TENM3: variants seen among roughly 807,000 people sequenced by gnomAD.
TENM3 encodes teneurin-3.
Under a neutral mutation model 255.1 loss-of-function variants are expected in TENM3, and 63 were observed. That is an observed-to-expected ratio of 0.25 (90% CI 0.20 to 0.30). TENM3 has a LOEUF of 0.30. TENM3 is among the 10% of genes least tolerant of loss of function. The probability of loss-of-function intolerance (pLI) is 1.00; values close to 1 mark genes in which losing one functional copy is unlikely to be tolerated. For missense variants in TENM3, 2,929 were observed against 3,461.1 expected (o/e 0.85, Z 3.86); for synonymous variants, 1,306 against 1,322.3 (o/e 0.99, Z 0.27).
the TENM3 span, among the ~76,000 whole-genome samples, chr4:182,075,493 C>T: frequency 6.6e-6 from 1 of 152,154 alleles, no homozygotes; most frequent in South Asian, 2.1e-4. Context: ...CCACCACGCT[C>T]AGCCGACAGT....
chr4:182,598,766 G>T (rs1249702081), intron 3 of TENM3, among the ~76,000 whole-genome samples: 2 of 152,244 alleles, frequency 1.3e-5, no homozygotes, highest in Non-Finnish European at 2.9e-5. Context: ...GCATTTCACT[G>T]AATCCTTACA....
the TENM3 span, among the ~76,000 whole-genome samples, chr4:181,797,035 T>A: frequency 2.0e-5 from 3 of 152,028 alleles, no homozygotes; most frequent in African/African-American, 7.2e-5. Context: ...TGTGAGCCCC[T>A]CCCCAGTCCA....
chr4:181,887,878 A>T, the TENM3 span, among the ~76,000 whole-genome samples: 1 of 152,210 alleles, frequency 6.6e-6, no homozygotes, highest in African/African-American at 2.4e-5. Flanking sequence ...GACCTCAAGG[A>T]TTTAACTTTT....
chr4:182,697,234 A>C lies in TENM3; in HGVS notation c.2221+8883A>C, dbSNP rs546910585. 7.2e-5 allele frequency among the ~76,000 whole-genome samples: 11 copies of C among 152,260 alleles called. No individual in the cohort carries two copies. In the South Asian group the frequency reaches 1.7e-3, roughly 23 times the overall value. On this transcript the variant is annotated intron_variant, in intron 12 of 27. Coordinates refer to ENST00000511685, the MANE Select transcript of TENM3 (RefSeq NM_001080477.4). ...GGAATTAGCCTCGGCTAATTCTTCC[A>C]GAAAAAACAGGAGTGCATGCTGGAT...
intron 3 of TENM3, among the ~76,000 whole-genome samples, chr4:182,394,691 C>G (rs1392387374): frequency 6.6e-6 from 1 of 152,112 alleles, no homozygotes; most frequent in Non-Finnish European, 1.5e-5. Context: ...TCTAGAGAAT[C>G]AAATTGATTT....
At chr4:182,270,203 G>A (rs1759525406) in intron 1 of TENM3, among the ~76,000 whole-genome samples, 1 of 152,104 alleles carries the variant, frequency 6.6e-6, no homozygotes, top group Non-Finnish European at 1.5e-5. Context: ...ACCTTAGAAG[G>A]TATCACTCTT....
intron 3 of TENM3, among the ~76,000 whole-genome samples, chr4:182,596,196 A>AT (rs1359312680): frequency 1.3e-5 from 2 of 152,180 alleles, no homozygotes; most frequent in Non-Finnish European, 2.9e-5. Flanking sequence ...GAAATACAAC[A>AT]TATTTGCAAA....
rs768732012 is a variant in TENM3, at chr4:182,754,998, A to G, written c.4631A>G (p.Asn1544Ser). ...VSLVTGDYLY[N>S]FSYSNDNDIT... Reference sequence around the variant, plus strand: ...TTAGTCACTGGTGATTACCTTTACAATTTTAGCTACAGCAATGACAATGAT... The same window carrying G: ...TTAGTCACTGGTGATTACCTTTACAGTTTTAGCTACAGCAATGACAATGAT... The change falls in exon 22 of 28, where the codon AAT (asparagine) becomes AGT (serine). Residue 1544 changes from asparagine to serine, a missense_variant. Transcript: ENST00000511685. This position sits in a 1 kb window ranked among gnomAD's most constrained non-coding sequence, Gnocchi z 5.1. 2.5e-6 allele frequency: 4 copies of G among 1,614,012 alleles called. No homozygotes were observed. The highest frequency in any genetic ancestry group is 2.2e-5 in the East Asian group (1 of 44,888).
chr4:182,633,967 C>A (rs1262697212), intron 5 of TENM3, among the ~76,000 whole-genome samples: 1 of 152,086 alleles, frequency 6.6e-6, no homozygotes, highest in African/African-American at 2.4e-5. Context: ...GCCTAGGAAT[C>A]GCCTGGGGAC....
chr4:182,279,952 T>C (rs1760264389), intron 1 of TENM3, among the ~76,000 whole-genome samples: 1 of 152,188 alleles, frequency 6.6e-6, no homozygotes. Context: ...TTGCAGACAC[T>C]TCAGGTTCTC....
chr4:182,593,908 AGGGAGGAGCT>A (rs1311341075), intron 3 of TENM3, among the ~76,000 whole-genome samples: 1 of 152,042 alleles, frequency 6.6e-6, no homozygotes, highest in African/African-American at 2.4e-5. Flanking sequence ...GCTGTAAACC[AGGGAGGAGCT>A]GGAGCTGAGT....
chr4:181,626,355 C>T, the TENM3 span, among the ~76,000 whole-genome samples: 26 of 152,098 alleles, frequency 1.7e-4, no homozygotes, highest in East Asian at 2.3e-3. Flanking sequence ...TCCATTTTTG[C>T]GTTGCTATTA....
the TENM3 span, among the ~76,000 whole-genome samples, chr4:182,044,992 G>GT: frequency 6.6e-6 from 1 of 152,206 alleles, no homozygotes; most frequent in East Asian, 1.9e-4. Context: ...ATGATTACAA[G>GT]TATCTCTATG....
At chr4:182,779,248 C>T (rs113335924) in intron 24 of TENM3, among the ~76,000 whole-genome samples, 18,071 of 151,470 alleles carry the variant, frequency 0.12, 1,377 homozygotes, top group South Asian at 0.25. Flanking sequence ...TGATATTCCC[C>T]TTCCTGTGTC....
chr4:182,796,655 T>A lies in TENM3; in HGVS notation c.7232T>A (p.Val2411Glu). Residue 2411 changes from valine (V) to glutamate (E), a missense_variant, in exon 27 of 28, where the codon GTG becomes GAG. By Grantham distance (121) the Val-to-Glu change is moderately radical (BLOSUM62 -2). This residue lies in a region of TENM3 where 476 missense variants were observed against 480.1 expected (regional missense o/e 0.99). Transcript: ENST00000511685. Reference sequence around the variant, plus strand: ...CTCCTAGATGTTAACAGCTGGCTGGTGACATTTGGTTTCCATCTGCACAAT... The same window carrying A: ...CTCCTAGATGTTAACAGCTGGCTGGAGACATTTGGTTTCCATCTGCACAAT... ...DYITDVNSWL[V>E]TFGFHLHNAI... 6.2e-7 allele frequency: 1 copy of A among 1,609,838 alleles called. No individual in the cohort carries two copies. The highest frequency in any genetic ancestry group is 8.5e-7 in the Non-Finnish European group (1 of 1,178,148).
chr4:181,989,915 G>T, the TENM3 span, among the ~76,000 whole-genome samples: 2 of 152,102 alleles, frequency 1.3e-5, no homozygotes, highest in Admixed American at 6.6e-5. Context: ...AAGAAATGCA[G>T]TTTCTCTAGT....
At chr4:182,067,273 A>G in the TENM3 span, among the ~76,000 whole-genome samples, 14 of 152,166 alleles carry the variant, frequency 9.2e-5, no homozygotes, top group African/African-American at 3.4e-4. Flanking sequence ...TATGACATCT[A>G]TGGCAGGGAC....
chr4:182,110,358 T>C, the TENM3 span, among the ~76,000 whole-genome samples: 1 of 151,866 alleles, frequency 6.6e-6, no homozygotes, highest in Non-Finnish European at 1.5e-5. Context: ...AGGGTCTCGC[T>C]CTGTCACCCA....
At chr4:182,326,058 A>C (rs1350092082) in intron 2 of TENM3, among the ~76,000 whole-genome samples, 1 of 152,194 alleles carries the variant, frequency 6.6e-6, no homozygotes, top group Non-Finnish European at 1.5e-5. Flanking sequence ...CTTCCAAGCC[A>C]AGGACTGCAG....
Sources: gnomAD v4.1 joint callset for allele counts (sites outside exome capture counted in the v4.1 genomes callset) on GRCh38, gnomAD v4.1.1 for gene constraint, gnomAD v4.1.1 regional missense constraint, Gnocchi (gnomAD v3.1) non-coding constraint, MANE v1.5 for transcripts, NCBI Gene and HGNC (gene_info 2026-07-23, HGNC 2026-07-21) for gene names.